ZNF611: variants seen among roughly 807,000 people sequenced by gnomAD.
ZNF611 encodes zinc finger protein 611.
A neutral mutation model predicts 8.9 loss-of-function variants in ZNF611; 6 were observed. The observed-to-expected ratio is 0.68, with a 90% CI of 0.37 to 1.34. ZNF611 has a LOEUF of 1.34. Ranked by LOEUF, ZNF611 falls within the 40% of genes most tolerant of loss-of-function variation. The pLI is 0.02. For missense variants in ZNF611, 874 were observed against 841.3 expected (o/e 1.04, Z -0.48); for synonymous variants, 262 against 279.7 (o/e 0.94, Z 0.63).
chr19:52,709,957 G>A (rs975779613), intron 5 of ZNF611, among the ~76,000 whole-genome samples: 3 of 152,162 alleles, frequency 2.0e-5, no homozygotes, highest in African/African-American at 7.2e-5. Flanking sequence ...AGACGGCTGG[G>A]CTAAACCATG....
chr19:52,723,576 C>T (rs1472477019), intron 3 of ZNF611: 1 of 152,142 alleles, frequency 6.6e-6, no homozygotes, highest in Non-Finnish European at 1.5e-5. Flanking sequence ...GGGGCCAGCC[C>T]CTCCACACCT....
At chr19:52,719,384 G>A (rs2062339238) in intron 3 of ZNF611, among the ~76,000 whole-genome samples, 1 of 152,108 alleles carries the variant, frequency 6.6e-6, no homozygotes, top group Non-Finnish European at 1.5e-5. Flanking sequence ...GGAAGAGGGT[G>A]ATCCACAACT....
chr19:52,705,414 A>C lies in ZNF611; in HGVS notation c.1641T>G (p.Phe547Leu), dbSNP rs754645892. 9.9e-6 allele frequency: 16 copies of C among 1,613,818 alleles called. No homozygotes were observed. The highest frequency in any genetic ancestry group is 2.7e-5 in the African/African-American group (2 of 74,838). Residue 547 changes from phenylalanine (F) to leucine (L), a missense_variant, in exon 6 of 6, where the codon TTT becomes TTG. Coordinates refer to ENST00000652185, the MANE Select transcript of ZNF611 (RefSeq NM_001161499.2). ...PYKCKVCDKAFACHSYLAKHT... is the reference protein window; with the variant it reads ...PYKCKVCDKALACHSYLAKHT... ...GTTTTGCCAGATAGGAATGACACGC[A>C]AAAGCCTTGTCACAAACCTTACATT...
chr19:52,706,366 G>A lies in ZNF611; in HGVS notation c.689C>T (p.Ser230Phe). 6.2e-7 allele frequency: 1 copy of A among 1,614,164 alleles called. No homozygotes were observed. Among genetic ancestry groups the A allele is most frequent in the Non-Finnish European group, 8.5e-7 (1 of 1,180,036 alleles). The change falls in exon 6 of 6, where the codon TCT becomes TTT. Residue 230 changes from serine (S) to phenylalanine (F), a missense_variant. Ser to Phe is a radical substitution (Grantham distance 155, BLOSUM62 -2). Transcript: ENST00000652185. ...TTTGCCACTCTTATTACATTGGAAA[G>A]ATTTTTCTCTCATGTGTACTTCCTG... is the stretch of plus-strand genomic sequence containing the variant. ...QKQEVHMREKSFQCNKSGKAF... is the reference protein window; with the variant it reads ...QKQEVHMREKFFQCNKSGKAF...
intron 1 of ZNF611, among the ~76,000 whole-genome samples, chr19:52,731,697 G>A (rs1055747172): frequency 3.9e-5 from 6 of 152,194 alleles, no homozygotes; most frequent in Admixed American, 3.3e-4. Context: ...TGGGCTAGGC[G>A]TGGTGGCTTA....
Position 52,705,960 on chromosome 19 carries a change from A to G in ZNF611, c.1095T>C (p.Thr365=). The G allele has an allele frequency of 1.2e-6, 2 of 1,614,190 alleles. No homozygotes were observed. Among genetic ancestry groups the G allele is most frequent in the Middle Eastern group, 1.6e-4 (1 of 6,062 alleles). ...CTTCACATTTGTAAGGTTTCTCTCC[A>G]GTATGAATTCTATGATGTGAAAGTT... ...QSQLSHHRIH[T]GEKPYKCEEC... Residue 365 remains threonine (T), a synonymous_variant, in exon 6 of 6, where the codon ACT becomes ACC. Transcript: ENST00000652185.
At chr19:52,712,870 T>C (rs2062290169) in intron 5 of ZNF611, among the ~76,000 whole-genome samples, 1 of 152,160 alleles carries the variant, frequency 6.6e-6, no homozygotes, top group African/African-American at 2.4e-5. Flanking sequence ...GGTACACACA[T>C]ACAGTGGAAT....
At chr19:52,732,080 C>A (rs957692944) in intron 1 of ZNF611, among the ~76,000 whole-genome samples, 5 of 151,952 alleles carry the variant, frequency 3.3e-5, no homozygotes, top group Non-Finnish European at 7.4e-5. Flanking sequence ...ACCATCCTGG[C>A]TAACACGGTG....
At chr19:52,714,625 C>A (rs1465383535) in intron 4 of ZNF611, among the ~76,000 whole-genome samples, 1 of 147,992 alleles carries the variant, frequency 6.8e-6, no homozygotes, top group Non-Finnish European at 1.5e-5. Flanking sequence ...GAGATGGAGG[C>A]TGCAGTGAGC....
chr19:52,722,914 T>TTG (rs1568607360), intron 3 of ZNF611, among the ~76,000 whole-genome samples: 1 of 150,150 alleles, frequency 6.7e-6, no homozygotes, highest in Non-Finnish European at 1.5e-5. Context: ...CGTTTTTTTT[T>TTG]TTTTTTTTTT....
Position 52,704,590 on chromosome 19 carries a change from CATTT to C in ZNF611, c.*343_*346del. On this transcript the variant is annotated 3_prime_UTR_variant, in exon 6 of 6. Coordinates refer to ENST00000652185, the MANE Select transcript of ZNF611 (RefSeq NM_001161499.2). ...TGAACGATCTCTGAAAAATTTGCCACATTTATTACACTTGTAAGATCTCTCTTCA... is the reference window on the plus strand; with the variant it reads ...TGAACGATCTCTGAAAAATTTGCCACATTACACTTGTAAGATCTCTCTTCA... The C allele has an allele frequency of 2.6e-6, 4 of 1,567,656 alleles. No homozygotes were observed. The highest frequency in any genetic ancestry group is 2.7e-5 in the African/African-American group (2 of 74,032).
chr19:52,733,444 G>A (rs2062437599), intron 1 of ZNF611, among the ~76,000 whole-genome samples: 2 of 152,204 alleles, frequency 1.3e-5, no homozygotes, highest in African/African-American at 2.4e-5. Context: ...GGGAGTACAG[G>A]TGCACACCAT....
intron 1 of ZNF611, among the ~76,000 whole-genome samples, chr19:52,731,241 A>G (rs143598780): frequency 6.6e-6 from 1 of 152,064 alleles, no homozygotes; most frequent in East Asian, 1.9e-4. Flanking sequence ...TAATTTTTGT[A>G]TTTTTGGTAG....
Position 52,714,121 on chromosome 19 carries a change from A to C in ZNF611, c.84T>G (p.Asp28Glu). Residue 28 changes from aspartate to glutamate, a missense_variant, in exon 5 of 6, where the codon GAT (aspartate) becomes GAG (glutamate). Transcript: ENST00000652185. ...ALPQGRLTFR[D>E]VAIEFSLAEW... ...CTGCCAATGAGAATTCTATAGCCACATCCCGGAAAGTCAAGCGTCCCTAAA... is the reference window on the plus strand; with the variant it reads ...CTGCCAATGAGAATTCTATAGCCACCTCCCGGAAAGTCAAGCGTCCCTAAA... 6.2e-7 allele frequency: 1 copy of C among 1,613,824 alleles called. No homozygotes were observed. The highest frequency in any genetic ancestry group is 2.2e-5 in the East Asian group (1 of 44,876).
At chr19:52,716,292 C>T (rs1017789169) in intron 3 of ZNF611, 2 of 175,432 alleles carry the variant, frequency 1.1e-5, no homozygotes, top group African/African-American at 4.7e-5. Flanking sequence ...CTTCCATGCT[C>T]AATGCTGCAC....
chr19:52,705,478 T>C lies in ZNF611; in HGVS notation c.1577A>G (p.Glu526Gly). ...EKVFSRKSSL[E>G]THKIGHTGEK... ...TCCAGTATGACCTATCTTATGTGTC[T>C]CAAGGCTTGATTTACGACTGAAAAC... The change falls in exon 6 of 6, where the codon GAG becomes GGG. Residue 526 changes from glutamate (E) to glycine (G), a missense_variant. Physicochemically the swap from Glu to Gly is moderately conservative, Grantham distance 98. Transcript: ENST00000652185. 1.2e-6 allele frequency: 2 copies of C among 1,613,840 alleles called. No homozygotes were observed. The highest frequency in any genetic ancestry group is 1.7e-6 in the Non-Finnish European group (2 of 1,179,990).
At chr19:52,715,776 C>A (rs2062312493) in intron 4 of ZNF611, 56 bp downstream of exon 4, 1 of 1,600,478 alleles carries the variant, frequency 6.2e-7, no homozygotes, top group Admixed American at 1.7e-5. Context: ...TGCTACAATA[C>A]CTGGCATTTC....
intron 3 of ZNF611, among the ~76,000 whole-genome samples, chr19:52,727,766 C>T (rs188604376): frequency 3.6e-4 from 55 of 152,238 alleles, no homozygotes; most frequent in African/African-American, 1.2e-3. Context: ...ACCTGCATTC[C>T]GCTAGACTCT....
rs1192720349 is a variant in ZNF611, at chr19:52,706,964, T to A, written c.191-100A>T. 2.7e-6 allele frequency: 4 copies of A among 1,499,434 alleles called. No individual in the cohort carries two copies. In the African/African-American group the frequency reaches 5.6e-5, roughly 21 times the overall value. 92.9% of individuals were successfully genotyped at this position (1,499,434 alleles called of 1,614,324 possible). A position where few individuals can be genotyped will look rare whatever the true frequency, so the allele number is the denominator to read the frequency against. ...ACAAAAAACGATACTTATTTTGAAC[T>A]TCCCAAACATCATCTTCAAAGTTTA... On this transcript the variant is annotated intron_variant, in intron 5 of 5. Transcript: ENST00000652185.
Sources: gnomAD v4.1 joint callset for allele counts (sites outside exome capture counted in the v4.1 genomes callset) on GRCh38, gnomAD v4.1.1 for gene constraint, MANE v1.5 for transcripts, NCBI Gene and HGNC (gene_info 2026-07-23, HGNC 2026-07-21) for gene names.